Variants in PTPRD observed in about 807,000 individuals in gnomAD.
PTPRD encodes the protein receptor-type tyrosine-protein phosphatase delta.
PTPRD carries 34 observed loss-of-function variants against 214.5 expected under a neutral mutation model. The observed-to-expected ratio is 0.16, with a 90% CI of 0.12 to 0.21. PTPRD has a LOEUF of 0.21. Ranked by LOEUF, PTPRD falls within the 10% of genes least tolerant of loss-of-function variation. PTPRD has a pLI of 1.00. For synonymous variants in PTPRD, 1,128 were observed against 845.7 expected, an observed-to-expected ratio of 1.33 and a Z score of -5.79; for missense variants, 2,545 against 2,398.7, an observed-to-expected ratio of 1.06 and a Z score of -1.27.
chr9:9,767,334 T>C (rs1352322921), intron 5 of PTPRD, among the ~76,000 whole-genome samples: 2 of 152,064 alleles, frequency 1.3e-5, no homozygotes, highest in African/African-American at 4.8e-5. Flanking sequence ...TAGACTTTTA[T>C]AGTAATAATG....
At chr9:8,952,475 G>C (rs1035940268) in intron 11 of PTPRD, among the ~76,000 whole-genome samples, 3 of 151,742 alleles carry the variant, frequency 2.0e-5, no homozygotes, top group African/African-American at 7.3e-5. Flanking sequence ...ATAAATGTTG[G>C]GCTGATTTTA....
intron 3 of PTPRD, among the ~76,000 whole-genome samples, chr9:10,098,877 A>C (rs1266027222): frequency 1.3e-5 from 2 of 151,768 alleles, no homozygotes; most frequent in Non-Finnish European, 2.9e-5. Context: ...ACTGCACTTC[A>C]CCATTTCAGT....
chr9:9,291,791 C>T (rs894211132), intron 9 of PTPRD, among the ~76,000 whole-genome samples: 3 of 72,916 alleles, frequency 4.1e-5, no homozygotes, highest in Admixed American at 1.2e-4. Flanking sequence ...ATAATATTTT[C>T]TCTCTTTTTT....
Position 9,110,042 on chromosome 9 carries a change from T to C in PTPRD, c.-143+73262A>G, listed in dbSNP as rs558913592. 4.6e-5 allele frequency among the ~76,000 whole-genome samples: 7 copies of C among 152,186 alleles called. No homozygotes were observed. In the East Asian group the frequency reaches 1.4e-3, roughly 29 times the overall value. ...AAGAGACACTACAGAAGTCAAGGCTTAGATGGGGACAGGAATGACTTCATG... is the reference window on the plus strand; with the variant it reads ...AAGAGACACTACAGAAGTCAAGGCTCAGATGGGGACAGGAATGACTTCATG... On this transcript the variant is annotated intron_variant, in intron 10 of 45. Transcript: ENST00000381196.
chr9:8,849,430 G>A (rs1412117572), intron 11 of PTPRD, among the ~76,000 whole-genome samples: 1 of 152,068 alleles, frequency 6.6e-6, no homozygotes, highest in Admixed American at 6.5e-5. Flanking sequence ...GTTTCACCAT[G>A]TTAGCCAGAA....
At chr9:8,631,366 T>C (rs966469832) in intron 14 of PTPRD, among the ~76,000 whole-genome samples, 3 of 151,912 alleles carry the variant, frequency 2.0e-5, no homozygotes, top group African/African-American at 4.8e-5. Context: ...GATCAGAGAC[T>C]ATGATTTCCA....
chr9:8,786,039 G>C (rs1030126737), intron 11 of PTPRD, among the ~76,000 whole-genome samples: 16 of 139,152 alleles, frequency 1.1e-4, no homozygotes, highest in East Asian at 4.6e-4. Flanking sequence ...TTTGTTGTGT[G>C]TGTGTGTGTG....
At chr9:9,075,743 T>A (rs2099750111) in intron 10 of PTPRD, among the ~76,000 whole-genome samples, 1 of 152,180 alleles carries the variant, frequency 6.6e-6, no homozygotes, top group African/African-American at 2.4e-5. Flanking sequence ...CCTGAACTCA[T>A]CCTTTTTTAT....
chr9:9,135,524 G>C (rs992546730), intron 10 of PTPRD, among the ~76,000 whole-genome samples: 17 of 152,076 alleles, frequency 1.1e-4, no homozygotes, highest in Non-Finnish European at 2.2e-4. Flanking sequence ...GTTAGTGCTG[G>C]AGAGAAAGAA....
At chr9:9,839,403 C>A (rs1300383201) in intron 5 of PTPRD, among the ~76,000 whole-genome samples, 3 of 152,080 alleles carry the variant, frequency 2.0e-5, no homozygotes, top group Non-Finnish European at 4.4e-5. Context: ...TCTTACACAC[C>A]AATAACAGAC....
Position 8,395,135 on chromosome 9 carries a change from GTGTCAAAAAGAAATTGC to G in PTPRD, c.4211-5745_4211-5729del, listed in dbSNP as rs1195463502. Among the ~76,000 whole-genome samples the G allele has an allele frequency of 4.6e-5, 7 of 152,254 alleles. No homozygotes were observed. The East Asian group carries it at 1.4e-3, about 29-fold the overall frequency. ...ATAAATCCCTAATGAAGTAAGGACTGTGTCAAAAAGAAATTGCTTTTTGGCAAACAAGTTTGTTCTTT... is the reference window on the plus strand; with the variant it reads ...ATAAATCCCTAATGAAGTAAGGACTGTTTTTGGCAAACAAGTTTGTTCTTT... On this transcript the variant is annotated intron_variant, in intron 36 of 45. Transcript: ENST00000381196.
intron 11 of PTPRD, among the ~76,000 whole-genome samples, chr9:8,832,102 ATATGTGTGTG>A (rs781449560): frequency 6.5e-5 from 7 of 108,406 alleles, no homozygotes; most frequent in African/African-American, 2.7e-4. Context: ...ATGTATGTGT[ATATGTGTGTG>A]TGTGTGTGTG....
chr9:9,479,044 G>T (rs1436788194), intron 8 of PTPRD, among the ~76,000 whole-genome samples: 2 of 151,940 alleles, frequency 1.3e-5, no homozygotes, highest in African/African-American at 4.8e-5. Flanking sequence ...TCACACAATG[G>T]TTCATAAAGT....
At chr9:9,566,626 C>A (rs544233677) in intron 8 of PTPRD, among the ~76,000 whole-genome samples, 1 of 152,016 alleles carries the variant, frequency 6.6e-6, no homozygotes, top group African/African-American at 2.4e-5. Flanking sequence ...AAAGGCTAAA[C>A]ACTATAAAAT....
chr9:9,268,644 T>C (rs1024751159), intron 9 of PTPRD, among the ~76,000 whole-genome samples: 6 of 150,900 alleles, frequency 4.0e-5, no homozygotes, highest in African/African-American at 7.3e-5. Context: ...CAAAGCACTA[T>C]AATATGGGCA....
chr9:10,557,810 G>A (rs1039065148), intron 2 of PTPRD, among the ~76,000 whole-genome samples: 1 of 152,140 alleles, frequency 6.6e-6, no homozygotes, highest in African/African-American at 2.4e-5. Context: ...TGCAGAAGAA[G>A]TGTTTCAGAC....
chr9:9,592,707 T>C (rs189284367), intron 7 of PTPRD, among the ~76,000 whole-genome samples: 3 of 152,064 alleles, frequency 2.0e-5, no homozygotes, highest in Admixed American at 1.3e-4. Context: ...GAACAATTCA[T>C]GTAGGTGAAG....
intron 7 of PTPRD, among the ~76,000 whole-genome samples, chr9:9,643,053 G>T (rs983953083): frequency 1.3e-5 from 2 of 152,198 alleles, no homozygotes; most frequent in Non-Finnish European, 2.9e-5. Flanking sequence ...GTTTCCATGA[G>T]CACATACATG....
chr9:10,284,553 C>T (rs1274735665), intron 3 of PTPRD, among the ~76,000 whole-genome samples: 1 of 152,168 alleles, frequency 6.6e-6, no homozygotes, highest in Non-Finnish European at 1.5e-5. Flanking sequence ...ACAAACTTAG[C>T]AGCTTAAAAT....
Sources: gnomAD v4.1 joint callset for allele counts (sites outside exome capture counted in the v4.1 genomes callset) on GRCh38, gnomAD v4.1.1 for gene constraint, MANE v1.5 for transcripts, NCBI Gene and HGNC (gene_info 2026-07-23, HGNC 2026-07-21) for gene names.